Variants in PCDHA3 observed in about 807,000 individuals in gnomAD.
PCDHA3 encodes protocadherin alpha 3.
PCDHA3 carries 41 observed loss-of-function variants against 62.2 expected under a neutral mutation model. The observed-to-expected ratio is 0.66, with a 90% CI of 0.51 to 0.86. PCDHA3 has a LOEUF of 0.86. Among genes scored for constraint, PCDHA3 ranks in the 40% least tolerant of loss-of-function variants. The probability of loss-of-function intolerance (pLI) is 0.00; values close to 1 mark genes in which losing one functional copy is unlikely to be tolerated. For missense variants in PCDHA3, 1,304 were observed against 1,241.2 expected, an observed-to-expected ratio of 1.05 and a Z score of -0.76; for synonymous variants, 640 against 555.4, an observed-to-expected ratio of 1.15 and a Z score of -2.14.
intron 1 of PCDHA3, chr5:140,861,242 A>T (rs1554154320): frequency 6.0e-6 from 1 of 165,896 alleles, no homozygotes; most frequent in African/African-American, 2.4e-5. Context: ...TGCTAGACAA[A>T]GTGGCCAGGA....
rs782769711 is a variant in PCDHA3, at chr5:140,857,323, C to T, written c.2394+53732C>T. ...TGTCGGCCTATGAGCTGGTGGTGAC[C>T]GCGCGGGACGGGGGCTCGCCTCCGC... On this transcript the variant is annotated intron_variant, in intron 1 of 3. Coordinates refer to ENST00000522353, the MANE Select transcript of PCDHA3 (RefSeq NM_018906.3). The T allele has an allele frequency of 2.5e-6, 4 of 1,598,498 alleles. 1 individual carries two copies. Among genetic ancestry groups the T allele is most frequent in the Admixed American group, 1.7e-5 (1 of 59,312 alleles).
chr5:140,857,745 C>T lies in PCDHA3; in HGVS notation c.2394+54154C>T. On this transcript the variant is annotated intron_variant, in intron 1 of 3. Coordinates refer to ENST00000522353, the MANE Select transcript of PCDHA3 (RefSeq NM_018906.3). Reference sequence around the variant, plus strand: ...AACGACAACGCTCCCGCGCTGCTGGCGTCTCCCGCTGGCAGCGCGGGCGGT... The same window carrying T: ...AACGACAACGCTCCCGCGCTGCTGGTGTCTCCCGCTGGCAGCGCGGGCGGT... 5.0e-6 allele frequency: 8 copies of T among 1,597,310 alleles called. 1 individual carries two copies. Among genetic ancestry groups the T allele is most frequent in the South Asian group, 1.1e-5 (1 of 90,480 alleles).
chr5:140,852,717 C>T lies in PCDHA3; in HGVS notation c.2394+49126C>T, dbSNP rs2042449102. ...ACTTTCAAGTATCTTTGTCTTTGCA[C>T]GTTTTTCAAGTTTCATGTGCCATTT... is the stretch of plus-strand genomic sequence containing the variant. On this transcript the variant is annotated intron_variant, in intron 1 of 3. Transcript: ENST00000522353. 6 of 981,714 alleles carry T rather than the reference C, an allele frequency of 6.1e-6. 2 individuals carry two copies. Among genetic ancestry groups the T allele is most frequent in the Non-Finnish European group, 7.4e-6 (6 of 814,360 alleles). 60.8% of individuals were successfully genotyped at this position (981,714 alleles called of 1,614,324 possible).
Position 141,010,026 on chromosome 5 carries a change from T to C in PCDHA3, c.*89T>C. On this transcript the variant is annotated 3_prime_UTR_variant, in exon 4 of 4. Transcript: ENST00000522353. ...AGCAATTCCCTGCTCCTTTTTCCTA[T>C]CTACATGAGCCCTCTTAGAGACCTC... 1 of 1,574,670 alleles carries C rather than the reference T, an allele frequency of 6.4e-7. No homozygotes were observed. The highest frequency in any genetic ancestry group is 8.6e-7 in the Non-Finnish European group (1 of 1,164,154).
chr5:140,866,460 A>G (rs2049371963), intron 1 of PCDHA3: 1 of 152,148 alleles, frequency 6.6e-6, no homozygotes, highest in Non-Finnish European at 1.5e-5. Context: ...TTGGCTGGGA[A>G]GCTCATAACA....
intron 3 of PCDHA3, among the ~76,000 whole-genome samples, chr5:140,998,919 A>G (rs781864069): frequency 6.6e-6 from 1 of 152,248 alleles, no homozygotes; most frequent in Non-Finnish European, 1.5e-5. Flanking sequence ...TAGCTATTAT[A>G]TCCATTTTAC....
chr5:140,806,566 A>C (rs1416834474), intron 1 of PCDHA3, among the ~76,000 whole-genome samples: 3 of 152,202 alleles, frequency 2.0e-5, no homozygotes, highest in African/African-American at 7.2e-5. Context: ...TTCCCTGTCA[A>C]TAGCTTGTTC....
chr5:140,901,331 G>A (rs545187943), intron 1 of PCDHA3, among the ~76,000 whole-genome samples: 66 of 152,062 alleles, frequency 4.3e-4, no homozygotes, highest in Non-Finnish European at 7.1e-4. Flanking sequence ...TCTTGTAGTC[G>A]TTTTATAGTT....
rs529065220 is a variant in PCDHA3, at chr5:140,930,291, C to T, written c.2395-48658C>T. On this transcript the variant is annotated intron_variant, in intron 1 of 3. Transcript: ENST00000522353. ...TATTTTAGGGGACAAATACACTTAA[C>T]AAATAAGTAAATATCATATTTGAGA... The T allele has an allele frequency of 2.6e-5, 4 of 152,208 alleles. No homozygotes were observed. The South Asian group carries it at 8.3e-4, about 32-fold the overall frequency. 9.4% of individuals were successfully genotyped at this position (152,208 alleles called of 1,614,324 possible). A position where few individuals can be genotyped will look rare whatever the true frequency, so the allele number is the denominator to read the frequency against.
rs1281739668 is a variant in PCDHA3, at chr5:140,966,815, C to T, written c.2395-12134C>T. On this transcript the variant is annotated intron_variant, in intron 1 of 3. Transcript: ENST00000522353. The stretch of plus-strand genomic sequence containing the variant: ...TGCGGCGACAGAGCATCCACGGCTC[C>T]GGCGGCCCATGCCCTGGCTGCTGCT... 1.9e-6 allele frequency: 3 copies of T among 1,552,884 alleles called. No individual in the cohort carries two copies. The highest frequency in any genetic ancestry group is 1.7e-6 in the Non-Finnish European group (2 of 1,153,182).
rs1488596274 is a variant in PCDHA3, at chr5:140,841,538, G to A, written c.2394+37947G>A. 4 of 1,613,606 alleles carry A rather than the reference G, an allele frequency of 2.5e-6. No homozygotes were observed. The African/African-American group carries it at 5.3e-5, about 22-fold the overall frequency. ...CCGGGTGGCGTCCAAAAGACACCGG[G>A]ACCTTCTGGAGGTAAGTCTGCAGAA... On this transcript the variant is annotated intron_variant, in intron 1 of 3. Transcript: ENST00000522353.
intron 1 of PCDHA3, among the ~76,000 whole-genome samples, chr5:140,936,259 T>A (rs1327533719): frequency 6.6e-6 from 1 of 152,228 alleles, no homozygotes; most frequent in African/African-American, 2.4e-5. Context: ...CTTCAAGTCA[T>A]GAAGATATAT....
rs781811725 is a variant in PCDHA3, at chr5:140,802,368, C to A, written c.1171C>A (p.Pro391Thr). 6.2e-7 allele frequency: 1 copy of A among 1,614,230 alleles called. No individual in the cohort carries two copies. Among genetic ancestry groups the A allele is most frequent in the Non-Finnish European group, 8.5e-7 (1 of 1,180,038 alleles). Residue 391 changes from proline to threonine, a missense_variant, in exon 1 of 4, where the codon CCC becomes ACC. Physicochemically the swap from Pro to Thr is conservative, Grantham distance 38. Coordinates refer to ENST00000522353, the MANE Select transcript of PCDHA3 (RefSeq NM_018906.3). ...VNGQVTCSLT[P>T]HVPFKLVSTF... is the part of the protein sequence containing the mutation. Reference sequence around the variant, plus strand: ...TGGACAGGTCACCTGCTCGCTGACGCCCCACGTCCCCTTCAAGCTGGTGTC... The same window carrying A: ...TGGACAGGTCACCTGCTCGCTGACGACCCACGTCCCCTTCAAGCTGGTGTC...
At chr5:140,944,134 A>G (rs890508296) in intron 1 of PCDHA3, among the ~76,000 whole-genome samples, 1 of 152,122 alleles carries the variant, frequency 6.6e-6, no homozygotes, top group East Asian at 1.9e-4. Context: ...GAAAAGGTTG[A>G]AGATTAGAAG....
intron 1 of PCDHA3, chr5:140,807,251 G>A (rs782583105): frequency 1.9e-6 from 3 of 1,614,202 alleles, no homozygotes; most frequent in Non-Finnish European, 1.7e-6. Context: ...TCTTCTCCTC[G>A]CAGCCTGGGA....
chr5:140,828,403 C>T (rs2150154987), intron 1 of PCDHA3: 1 of 1,614,256 alleles, frequency 6.2e-7, no homozygotes, highest in South Asian at 1.1e-5. Flanking sequence ...AGTGCAGCAT[C>T]CACCTGGAGG....
chr5:140,891,879 A>G, intron 1 of PCDHA3, among the ~76,000 whole-genome samples: 1 of 152,196 alleles, frequency 6.6e-6, no homozygotes, highest in East Asian at 1.9e-4. Flanking sequence ...TGGCTCTGTC[A>G]TGTGACGATG....
At chr5:140,836,821 T>C in intron 1 of PCDHA3, 1 of 1,070,782 alleles carries the variant, frequency 9.3e-7, no homozygotes, top group Non-Finnish European at 1.3e-6. Flanking sequence ...CATAATTTCT[T>C]TTTTAGTTGA....
intron 1 of PCDHA3, among the ~76,000 whole-genome samples, chr5:140,910,377 C>T (rs1053075333): frequency 6.6e-6 from 1 of 152,244 alleles, no homozygotes; most frequent in East Asian, 1.9e-4. Flanking sequence ...GCCCACCTTG[C>T]CTTTGACAGT....
Sources: gnomAD v4.1 joint callset for allele counts (sites outside exome capture counted in the v4.1 genomes callset) on GRCh38, gnomAD v4.1.1 for gene constraint, MANE v1.5 for transcripts, NCBI Gene and HGNC (gene_info 2026-07-23, HGNC 2026-07-21) for gene names.